The following PRKCE variants were observed in gnomAD, a reference collection of about 807,000 sequenced individuals.
PRKCE encodes the protein protein kinase C epsilon type.
In PRKCE, 16 loss-of-function variants were observed where a neutral mutation model predicts 85.4. The observed-to-expected ratio is 0.19, with a 90% CI of 0.13 to 0.28. The LOEUF is 0.28. PRKCE is among the 10% of genes least tolerant of loss of function. The pLI, the probability that PRKCE is intolerant of heterozygous loss-of-function variation, is 1.00. For synonymous variants in PRKCE, 388 were observed against 371.5 expected, an observed-to-expected ratio of 1.04 and a Z score of -0.51; for missense variants, 573 against 975.2, an observed-to-expected ratio of 0.59 and a Z score of 5.49.
chr2:45,820,577 C>G (rs1000873341), intron 1 of PRKCE, among the ~76,000 whole-genome samples: 1 of 152,120 alleles, frequency 6.6e-6, no homozygotes, highest in Admixed American at 6.5e-5. Flanking sequence ...AGAGAAATGA[C>G]TCGTGACAGC....
At chr2:45,995,209 T>C (rs1240046766) in intron 6 of PRKCE, among the ~76,000 whole-genome samples, 1 of 152,194 alleles carries the variant, frequency 6.6e-6, no homozygotes, top group Non-Finnish European at 1.5e-5. Context: ...ATGTCTTTTG[T>C]AAATACTTTC....
intron 2 of PRKCE, among the ~76,000 whole-genome samples, chr2:45,856,862 G>C (rs1692722468): frequency 6.6e-6 from 1 of 152,320 alleles, no homozygotes; most frequent in African/African-American, 2.4e-5. Context: ...GGTTCATCAT[G>C]TTGCTGCAAG....
chr2:46,057,025 T>G (rs567403052), intron 10 of PRKCE, among the ~76,000 whole-genome samples: 64 of 152,100 alleles, frequency 4.2e-4, no homozygotes, highest in Non-Finnish European at 5.6e-4. Context: ...TGGAAACAAC[T>G]GAGGGCTGGC....
At chr2:45,939,095 C>T (rs940308951) in intron 2 of PRKCE, among the ~76,000 whole-genome samples, 4 of 152,174 alleles carry the variant, frequency 2.6e-5, no homozygotes, top group East Asian at 1.9e-4. Context: ...TAAATCTCCC[C>T]GTTGTTTCTT....
At chr2:45,989,125 C>T (rs989000139) in intron 6 of PRKCE, among the ~76,000 whole-genome samples, 3 of 152,308 alleles carry the variant, frequency 2.0e-5, no homozygotes, top group African/African-American at 4.8e-5. Context: ...GTTGGGCCTG[C>T]GGGGGCCTGT....
At chr2:45,686,938 A>G (rs1677344151) in intron 1 of PRKCE, among the ~76,000 whole-genome samples, 1 of 152,126 alleles carries the variant, frequency 6.6e-6, no homozygotes, top group South Asian at 2.1e-4. Flanking sequence ...AATTGGATCT[A>G]TACCTAGTTT....
intron 1 of PRKCE, among the ~76,000 whole-genome samples, chr2:45,764,386 G>A (rs1020621448): frequency 6.6e-6 from 1 of 152,180 alleles, no homozygotes; most frequent in African/African-American, 2.4e-5. Flanking sequence ...AAATGGTTAT[G>A]GCTAGTAAAG....
chr2:46,120,412 C>T (rs1574521011), intron 11 of PRKCE, among the ~76,000 whole-genome samples: 1 of 152,226 alleles, frequency 6.6e-6, no homozygotes, highest in East Asian at 1.9e-4. Flanking sequence ...GGACGGTCCT[C>T]ACAACAAAGA....
At position 45,652,021 on chromosome 2, in the gene PRKCE, C is replaced by A; in HGVS notation, c.-80C>A. ...AGGGGACCCAAGAGTCCCTGTGGCT[C>A]GGAGTGCCGGGCCGTCGGTTCTTCA... On this transcript the variant is annotated 5_prime_UTR_variant, in exon 1 of 15. Transcript: ENST00000306156. The surrounding 1 kb of genome is among the most constrained non-coding windows in gnomAD (Gnocchi z 7.7). The A allele has an allele frequency of 1.8e-6, 2 of 1,140,326 alleles. No individual in the cohort carries two copies. Among genetic ancestry groups the A allele is most frequent in the Non-Finnish European group, 1.3e-6 (1 of 796,156 alleles). 70.6% of individuals were successfully genotyped at this position (1,140,326 alleles called of 1,614,324 possible).
intron 3 of PRKCE, among the ~76,000 whole-genome samples, chr2:45,977,020 C>T (rs1262545094): frequency 6.6e-6 from 1 of 151,822 alleles, no homozygotes; most frequent in Admixed American, 6.6e-5. Context: ...CCTCAGCCTC[C>T]CACATAGCTG....
intron 6 of PRKCE, among the ~76,000 whole-genome samples, chr2:46,000,089 T>C (rs2104717205): frequency 6.6e-6 from 1 of 152,324 alleles, no homozygotes; most frequent in South Asian, 2.1e-4. Flanking sequence ...ATCCCTGCTA[T>C]ATCTGAGTCT....
chr2:46,071,316 G>A (rs1030240966), intron 10 of PRKCE, among the ~76,000 whole-genome samples: 1 of 152,160 alleles, frequency 6.6e-6, no homozygotes, highest in African/African-American at 2.4e-5. Flanking sequence ...TGGAGCCATA[G>A]GCTGCTACTG....
At chr2:46,049,923 G>A (rs1708750760) in intron 10 of PRKCE, among the ~76,000 whole-genome samples, 1 of 152,176 alleles carries the variant, frequency 6.6e-6, no homozygotes, top group Admixed American at 6.5e-5. Context: ...ACACAGTACT[G>A]GTCCTGGTGA....
intron 1 of PRKCE, among the ~76,000 whole-genome samples, chr2:45,747,151 A>C (rs185941950): frequency 2.6e-4 from 40 of 152,328 alleles, no homozygotes; most frequent in Admixed American, 2.6e-3. Context: ...TCTCCACAGT[A>C]TGTAATATGA....
intron 14 of PRKCE, among the ~76,000 whole-genome samples, chr2:46,182,067 A>G (rs1248288264): frequency 6.6e-6 from 1 of 151,804 alleles, no homozygotes; most frequent in African/African-American, 2.4e-5. Context: ...CCTTACTGCC[A>G]CCCCTACTAC....
At chr2:45,738,816 G>A (rs1355636699) in intron 1 of PRKCE, among the ~76,000 whole-genome samples, 1 of 152,244 alleles carries the variant, frequency 6.6e-6, no homozygotes, top group Non-Finnish European at 1.5e-5. Flanking sequence ...TGTTTCTAGA[G>A]ACTGAAATAG....
intron 2 of PRKCE, 73 bp downstream of exon 2, chr2:45,843,136 C>CG (rs1440188183): frequency 6.0e-6 from 8 of 1,340,150 alleles, no homozygotes; most frequent in East Asian, 2.3e-5. Flanking sequence ...TCTTTCCCCC[C>CG]CTTGGCCGGA....
In PRKCE at chr2:46,156,007, A is replaced by T. The variant is rs112971852; in HGVS notation, c.1921-3599A>T. On this transcript the variant is annotated intron_variant, in intron 13 of 14. Coordinates refer to ENST00000306156, the MANE Select transcript of PRKCE (RefSeq NM_005400.3). ...GTACCCTAAAACTTAAAGTATATAA[A>T]AAAAAAAAAAACTTCATGTACAAAA... Among the ~76,000 whole-genome samples the T allele has an allele frequency of 2.4e-3, 339 of 139,806 alleles. 1 individual carries two copies. The highest frequency in any genetic ancestry group is 0.012 in the East Asian group (60 of 5,124). 91.7% of individuals were successfully genotyped at this position (139,806 alleles called of 152,430 possible). A position where few individuals can be genotyped will look rare whatever the true frequency, so the allele number is the denominator to read the frequency against.
At chr2:46,029,429 T>C (rs1016421257) in intron 10 of PRKCE, among the ~76,000 whole-genome samples, 2 of 152,332 alleles carry the variant, frequency 1.3e-5, no homozygotes, top group East Asian at 3.9e-4. Context: ...TGGAATTTCA[T>C]GTGACACCGG....
Sources: gnomAD v4.1 joint callset for allele counts (sites outside exome capture counted in the v4.1 genomes callset) on GRCh38, gnomAD v4.1.1 for gene constraint, Gnocchi (gnomAD v3.1) non-coding constraint, MANE v1.5 for transcripts, NCBI Gene and HGNC (gene_info 2026-07-23, HGNC 2026-07-21) for gene names.